The following PCGF3 variants were observed in gnomAD, a reference collection of about 807,000 sequenced individuals.
PCGF3 encodes polycomb group RING finger protein 3.
PCGF3 carries 7 observed loss-of-function variants against 33.1 expected under a neutral mutation model. The observed-to-expected ratio is 0.21, with a 90% CI of 0.12 to 0.40. The LOEUF (loss-of-function observed/expected upper bound fraction) is 0.40. Ranked by LOEUF, PCGF3 falls within the 10% of genes least tolerant of loss-of-function variation. The probability of loss-of-function intolerance (pLI) is 1.00; values close to 1 mark genes in which losing one functional copy is unlikely to be tolerated. For synonymous variants in PCGF3, 153 were observed against 121.3 expected (o/e 1.26, Z -1.72); for missense variants, 211 against 313.3 (o/e 0.67, Z 2.46).
chr4:710,855 C>A (rs1378292615), intron 1 of PCGF3, among the ~76,000 whole-genome samples: 1 of 152,190 alleles, frequency 6.6e-6, no homozygotes, highest in East Asian at 1.9e-4. Flanking sequence ...TTTCTTCCTG[C>A]CAGTGATTTT....
At chr4:754,308 T>A (rs1165734870) in intron 8 of PCGF3, among the ~76,000 whole-genome samples, 1 of 152,216 alleles carries the variant, frequency 6.6e-6, no homozygotes, top group Non-Finnish European at 1.5e-5. Flanking sequence ...CCTGGCCCAC[T>A]GGCTCCTGTC....
intron 1 of PCGF3, among the ~76,000 whole-genome samples, chr4:728,177 C>G (rs1322808180): frequency 1.3e-5 from 2 of 152,236 alleles, no homozygotes; most frequent in Non-Finnish European, 2.9e-5. Context: ...GCACGGCCAG[C>G]TCCCCCGAAT....
At chr4:717,689 C>G (rs146377454) in intron 1 of PCGF3, among the ~76,000 whole-genome samples, 29 of 152,360 alleles carry the variant, frequency 1.9e-4, no homozygotes, top group African/African-American at 7.0e-4. Context: ...TGTGTGCTTA[C>G]TTTCAAACAA....
At chr4:735,286 C>A (rs1282448797) in intron 5 of PCGF3, among the ~76,000 whole-genome samples, 2 of 152,326 alleles carry the variant, frequency 1.3e-5, no homozygotes, top group Middle Eastern at 3.4e-3. Context: ...GGGGCTCATG[C>A]CTATAATCCC....
chr4:740,290 G>T (rs542996229), intron 6 of PCGF3, among the ~76,000 whole-genome samples: 1 of 152,376 alleles, frequency 6.6e-6, no homozygotes, highest in South Asian at 2.1e-4. Flanking sequence ...ACCCCCACAT[G>T]GTGGGGGCTT....
In PCGF3 at chr4:721,017, C is replaced by T. The variant is rs985798216; in HGVS notation, c.-189-9613C>T. ...AGATGACCCCATGGGCAAGCAGGAG[C>T]TCAGATGGGAGGCATGGAGCAGACG... On this transcript the variant is annotated intron_variant, in intron 1 of 10. Transcript: ENST00000362003. The surrounding 1 kb of genome is among the most constrained non-coding windows in gnomAD (Gnocchi z 4.1). Among the ~76,000 whole-genome samples, 4 of 152,224 alleles carry T rather than the reference C, an allele frequency of 2.6e-5. No homozygotes were observed. The highest frequency in any genetic ancestry group is 1.9e-4 in the East Asian group (1 of 5,164).
intron 4 of PCGF3, chr4:734,024 G>C: frequency 6.4e-7 from 1 of 1,550,834 alleles, no homozygotes; most frequent in Non-Finnish European, 8.7e-7. Context: ...AAACACAGGA[G>C]AGACCCCACA....
chr4:761,406 C>G, exon 9 of PCGF3: 2 of 1,606,714 alleles, frequency 1.2e-6, no homozygotes, highest in Non-Finnish European at 1.7e-6. Flanking sequence ...AACCTTTCAT[C>G]CTTTAACGAG....
chr4:749,406 C>A (rs1355769776), intron 8 of PCGF3, among the ~76,000 whole-genome samples: 1 of 151,492 alleles, frequency 6.6e-6, no homozygotes, highest in Non-Finnish European at 1.5e-5. Context: ...TCGGGTGATC[C>A]ACCCACCTCA....
At chr4:735,156 G>A in intron 5 of PCGF3, 129 bp downstream of exon 5, 1 of 1,019,834 alleles carries the variant, frequency 9.8e-7, no homozygotes, top group Non-Finnish European at 1.4e-6. Context: ...CCTGACCAAG[G>A]GCACCCCAGG....
At chr4:743,247 C>G (rs1239032534) in intron 6 of PCGF3, among the ~76,000 whole-genome samples, 2 of 152,250 alleles carry the variant, frequency 1.3e-5, no homozygotes, top group African/African-American at 4.8e-5. Context: ...AGCAGCCGGT[C>G]TGCGACTCAA....
At chr4:722,598 G>A (rs548254501) in intron 1 of PCGF3, among the ~76,000 whole-genome samples, 82 of 136,616 alleles carry the variant, frequency 6.0e-4, no homozygotes, top group African/African-American at 2.2e-3. Flanking sequence ...TCGCGTCATC[G>A]CCCGTCCGCG....
exon 11 of PCGF3, chr4:767,255 CCCTCT>C (rs1205257635): frequency 4.2e-4 from 64 of 152,352 alleles, no homozygotes; most frequent in African/African-American, 1.5e-3. Context: ...CACCGTTAGC[CCCTCT>C]CCTCCCGGAT....
At chr4:766,154 G>A (rs1198927217) in exon 11 of PCGF3, 1 of 1,204,970 alleles carries the variant, frequency 8.3e-7, no homozygotes, top group African/African-American at 1.5e-5. Context: ...TAAGAACATT[G>A]CCTCTGGGTG....
chr4:755,210 T>C lies in PCGF3; in HGVS notation c.463-6069T>C, dbSNP rs573593613. ...TTTTTACACTTAATTTCCCATCTAATACTGGAGACTTTTAGGTGGTGACCA... is the reference window on the plus strand; with the variant it reads ...TTTTTACACTTAATTTCCCATCTAACACTGGAGACTTTTAGGTGGTGACCA... On this transcript the variant is annotated intron_variant, in intron 8 of 10. Transcript: ENST00000362003. Among the ~76,000 whole-genome samples the C allele has an allele frequency of 1.1e-4, 17 of 152,370 alleles. 1 individual carries two copies. In the South Asian group the frequency reaches 3.3e-3, roughly 30 times the overall value.
intron 6 of PCGF3, among the ~76,000 whole-genome samples, chr4:743,184 G>A (rs534643001): frequency 1.3e-5 from 2 of 152,228 alleles, no homozygotes; most frequent in Non-Finnish European, 2.9e-5. Flanking sequence ...CTGAGGTGGG[G>A]ATGACAGTCC....
rs529981847 is a variant in PCGF3, at chr4:744,738, G to C, written c.462+50G>C. 1.4e-4 allele frequency: 62 copies of C among 440,564 alleles called. 4 individuals are homozygous for C. Among genetic ancestry groups the C allele is most frequent in the Non-Finnish European group, 1.7e-4 (42 of 244,608 alleles). The allele number at this position is 440,564 out of a possible 1,614,324, so 27.3% of individuals were successfully genotyped here. ...CAGTGTTAGTGTTCGCCGTGGAGGC[G>C]TGAGCAGGTGGGCGGGGCCCGGGGG... On this transcript the variant is annotated intron_variant, in intron 8 of 10. Transcript: ENST00000362003.
chr4:763,865 T>C lies in PCGF3; in HGVS notation c.601-1119T>C, dbSNP rs564124655. Among the ~76,000 whole-genome samples, 20 of 152,220 alleles carry C rather than the reference T, an allele frequency of 1.3e-4. No individual in the cohort carries two copies. In the South Asian group the frequency reaches 1.5e-3, roughly 11 times the overall value. ...GTGGTGCATCCATACTGGACTATTA[T>C]CCAGTACTGAAAAGAAATGAGCAGT... is the stretch of plus-strand genomic sequence containing the variant. On this transcript the variant is annotated intron_variant, in intron 9 of 10. Coordinates refer to ENST00000362003, the Ensembl canonical transcript of PCGF3.
At position 731,561 on chromosome 4, in the gene PCGF3, C is replaced by T. The variant is rs556253168; in HGVS notation, c.-10+451C>T. The stretch of plus-strand genomic sequence containing the variant: ...GGGGTGTAGGGCGGGGCTCCCCCTC[C>T]CGTCGTGGGTGGGCGTGGTCCTCGG... On this transcript the variant is annotated intron_variant, in intron 3 of 10. Coordinates refer to ENST00000362003, the Ensembl canonical transcript of PCGF3. 4.5e-5 allele frequency among the ~76,000 whole-genome samples: 6 copies of T among 133,684 alleles called. 1 individual carries two copies. The highest frequency in any genetic ancestry group is 2.6e-4 in the South Asian group (1 of 3,824). 87.7% of individuals were successfully genotyped at this position (133,684 alleles called of 152,430 possible).
Sources: allele counts gnomAD v4.1 joint callset (sites outside exome capture counted in the v4.1 genomes callset), GRCh38; gene constraint gnomAD v4.1.1; non-coding constraint Gnocchi (gnomAD v3.1); transcripts MANE v1.5; gene names NCBI Gene and HGNC (gene_info 2026-07-23, HGNC 2026-07-21).